SUPT3H: variants seen among roughly 807,000 people sequenced by gnomAD.
The protein encoded by SUPT3H is transcription initiation protein SPT3 homolog.
SUPT3H carries 44 observed loss-of-function variants against 44.3 expected under a neutral mutation model. That is an observed-to-expected ratio of 0.99 (90% CI 0.78 to 1.28). SUPT3H has a LOEUF of 1.28. SUPT3H is among the 50% of genes most tolerant of loss of function. SUPT3H has a pLI of 0.00. For synonymous variants in SUPT3H, 124 were observed against 125.6 expected, an observed-to-expected ratio of 0.99 and a Z score of 0.09; for missense variants, 380 against 387.1, an observed-to-expected ratio of 0.98 and a Z score of 0.15.
intron 2 of SUPT3H, among the ~76,000 whole-genome samples, chr6:45,188,982 T>G (rs1040181642): frequency 1.7e-4 from 26 of 152,174 alleles, no homozygotes; most frequent in African/African-American, 6.0e-4. Flanking sequence ...TGTTTTGTTT[T>G]TTTGCTAGAG....
chr6:44,892,913 C>A (rs529315856), intron 10 of SUPT3H, among the ~76,000 whole-genome samples: 3 of 152,284 alleles, frequency 2.0e-5, no homozygotes, highest in South Asian at 4.1e-4. Context: ...AGAAATTCAG[C>A]TGAATTTTTC....
intron 2 of SUPT3H, among the ~76,000 whole-genome samples, chr6:45,353,172 A>T (rs1792426707): frequency 6.6e-6 from 1 of 152,122 alleles, no homozygotes; most frequent in East Asian, 1.9e-4. Context: ...TTAAAAGTAA[A>T]ATGAATTGCA....
intron 3 of SUPT3H, among the ~76,000 whole-genome samples, chr6:45,089,392 C>G (rs1256145106): frequency 6.6e-6 from 1 of 151,988 alleles, no homozygotes. Context: ...AGTGGCGTCA[C>G]CCATTTCACT....
intron 2 of SUPT3H, among the ~76,000 whole-genome samples, chr6:45,275,439 A>G (rs1260384529): frequency 1.3e-5 from 2 of 152,238 alleles, no homozygotes; most frequent in African/African-American, 4.8e-5. Context: ...TCTTTTTAAA[A>G]TTATCTGTTA....
intron 9 of SUPT3H, among the ~76,000 whole-genome samples, chr6:44,940,263 CA>C (rs141903040): frequency 6.6e-6 from 1 of 151,936 alleles, no homozygotes; most frequent in Non-Finnish European, 1.5e-5. Context: ...TCATTTGTTT[CA>C]AAAAATCTTT....
chr6:45,302,514 A>AATAT (rs10524207), intron 2 of SUPT3H, among the ~76,000 whole-genome samples: 1,648 of 104,870 alleles, frequency 0.016, 26 homozygotes, highest in Non-Finnish European at 0.022. Flanking sequence ...GTATCTCAGG[A>AATAT]ATATATATAT....
At chr6:45,171,389 G>A (rs1363319915) in intron 2 of SUPT3H, among the ~76,000 whole-genome samples, 2 of 152,004 alleles carry the variant, frequency 1.3e-5, no homozygotes, top group African/African-American at 2.4e-5. Flanking sequence ...CATAAACAAG[G>A]CAAAAATACT....
In SUPT3H at chr6:45,025,062, T is replaced by A. The variant is rs148408669; in HGVS notation, c.187-4430A>T. ...ATAATTGCATAATTATAATTTATTATCCTTATAATAATACATAAATCTCTC... is the reference window on the plus strand; with the variant it reads ...ATAATTGCATAATTATAATTTATTAACCTTATAATAATACATAAATCTCTC... On this transcript the variant is annotated intron_variant, in intron 3 of 10. Coordinates refer to ENST00000371459, the MANE Select transcript of SUPT3H (RefSeq NM_003599.4). Among the ~76,000 whole-genome samples, 763 of 152,300 alleles carry A rather than the reference T, an allele frequency of 5.0e-3. 28 individuals are homozygous for A. The highest frequency in any genetic ancestry group is 4.8e-3 in the East Asian group (25 of 5,190).
intron 2 of SUPT3H, among the ~76,000 whole-genome samples, chr6:45,346,051 A>T (rs1438521998): frequency 2.0e-5 from 3 of 151,510 alleles, no homozygotes; most frequent in African/African-American, 7.3e-5. Context: ...AAAAATCTCA[A>T]ACGACACTAT....
At chr6:44,969,636 AAGG>A (rs1239195561) in intron 6 of SUPT3H, among the ~76,000 whole-genome samples, 8 of 152,312 alleles carry the variant, frequency 5.3e-5, no homozygotes, top group African/African-American at 1.9e-4. Flanking sequence ...TACGCACACA[AAGG>A]AGAACGTCAT....
At chr6:45,156,738 G>T (rs1421443423) in intron 2 of SUPT3H, among the ~76,000 whole-genome samples, 1 of 151,074 alleles carries the variant, frequency 6.6e-6, no homozygotes, top group Non-Finnish European at 1.5e-5. Context: ...AAAACCCTTG[G>T]TTTTCTCTTA....
chr6:45,209,374 G>T (rs898965396), intron 2 of SUPT3H, among the ~76,000 whole-genome samples: 1 of 152,194 alleles, frequency 6.6e-6, no homozygotes, highest in African/African-American at 2.4e-5. Flanking sequence ...AAGAACATTT[G>T]TGATTCATGG....
intron 10 of SUPT3H, among the ~76,000 whole-genome samples, chr6:44,845,753 G>A (rs762867866): frequency 2.6e-5 from 4 of 152,194 alleles, no homozygotes; most frequent in Non-Finnish European, 5.9e-5. Context: ...ATGAGCCCAG[G>A]CCACTGAGCA....
At chr6:45,039,845 C>CAA (rs35987604) in intron 3 of SUPT3H, among the ~76,000 whole-genome samples, 6,430 of 131,158 alleles carry the variant, frequency 0.049, 254 homozygotes, top group African/African-American at 0.099. Context: ...CTAATCACAG[C>CAA]AAAAAAAAAA....
intron 6 of SUPT3H, among the ~76,000 whole-genome samples, chr6:44,989,305 T>C (rs1365262889): frequency 6.6e-6 from 1 of 152,148 alleles, no homozygotes; most frequent in Non-Finnish European, 1.5e-5. Context: ...TAGTCACAAA[T>C]GGCACAATAT....
intron 2 of SUPT3H, among the ~76,000 whole-genome samples, chr6:45,319,873 A>G (rs1049979329): frequency 4.8e-4 from 73 of 152,300 alleles, no homozygotes; most frequent in African/African-American, 1.7e-3. Flanking sequence ...GTGAACTCTA[A>G]AAGAGAGAAC....
At chr6:45,349,106 G>A (rs1161795698) in intron 2 of SUPT3H, among the ~76,000 whole-genome samples, 3 of 152,086 alleles carry the variant, frequency 2.0e-5, no homozygotes, top group Non-Finnish European at 4.4e-5. Flanking sequence ...AAATGTTACT[G>A]CCTATAATAC....
chr6:45,118,641 T>C (rs1215284246), intron 2 of SUPT3H, among the ~76,000 whole-genome samples: 3 of 152,132 alleles, frequency 2.0e-5, no homozygotes, highest in Admixed American at 6.6e-5. Flanking sequence ...TAAGTCTTTG[T>C]TTCTTCTTCC....
At chr6:45,072,297 GAA>G (rs1476188775) in intron 3 of SUPT3H, among the ~76,000 whole-genome samples, 2 of 151,508 alleles carry the variant, frequency 1.3e-5, no homozygotes, top group East Asian at 3.9e-4. Context: ...GGTGGGTTAA[GAA>G]AAAAAAGACA....
Sources: allele counts gnomAD v4.1 joint callset (sites outside exome capture counted in the v4.1 genomes callset), GRCh38; gene constraint gnomAD v4.1.1; transcripts MANE v1.5; gene names NCBI Gene and HGNC (gene_info 2026-07-23, HGNC 2026-07-21).